VPS13B: variants seen among roughly 807,000 people sequenced by gnomAD.
VPS13B encodes vacuolar protein sorting 13 homolog B.
VPS13B carries 285 observed loss-of-function variants against 426.4 expected under a neutral mutation model. That is an observed-to-expected ratio of 0.67 (90% confidence interval 0.61 to 0.74). The LOEUF (loss-of-function observed/expected upper bound fraction) is 0.74. Among genes scored for constraint, VPS13B ranks in the 30% least tolerant of loss-of-function variants. The probability of loss-of-function intolerance (pLI) is 0.00; values close to 1 mark genes in which losing one functional copy is unlikely to be tolerated. For missense variants in VPS13B, 4,537 were observed against 4,782.6 expected (o/e 0.95, Z 1.51); for synonymous variants, 1,676 against 1,676.4 (o/e 1.00, Z 0.01).
Position 99,818,902 on chromosome 8 carries a change from C to A in VPS13B, c.8621+14C>A, listed in dbSNP as rs1201258654. 2 of 1,606,978 alleles carry A rather than the reference C, an allele frequency of 1.2e-6. No individual in the cohort carries two copies. The highest frequency in any genetic ancestry group is 8.5e-7 in the Non-Finnish European group (1 of 1,176,036). On this transcript the variant is annotated intron_variant, in intron 47 of 61. Coordinates refer to ENST00000357162, the MANE Select transcript of VPS13B (RefSeq NM_152564.5). ...ATTCCAAGCAAGGTACTAGAAAAAT[C>A]CTTCCATACATTTTACATTTTCCTA...
At chr8:99,647,000 G>A (rs1010870572) in intron 34 of VPS13B, among the ~76,000 whole-genome samples, 1 of 151,902 alleles carries the variant, frequency 6.6e-6, no homozygotes, top group African/African-American at 2.4e-5. Flanking sequence ...TTTATATAAT[G>A]CAAAAATAGC....
chr8:99,816,796 C>A (rs1814065612), intron 44 of VPS13B, among the ~76,000 whole-genome samples: 1 of 151,502 alleles, frequency 6.6e-6, no homozygotes, highest in African/African-American at 2.4e-5. Context: ...AAGAGCAAGA[C>A]CCTGTCTAAA....
At chr8:99,163,478 C>T (rs1811797489) in intron 15 of VPS13B, among the ~76,000 whole-genome samples, 1 of 152,196 alleles carries the variant, frequency 6.6e-6, no homozygotes, top group African/African-American at 2.4e-5. Context: ...GCTCGGGCTG[C>T]ACAGGAGCCC....
rs16897322 is a variant in VPS13B at position 99,386,176 on chromosome 8, C to A, written c.2934+1859C>A. On this transcript the variant is annotated intron_variant, in intron 20 of 61. Coordinates refer to ENST00000357162, the MANE Select transcript of VPS13B (RefSeq NM_152564.5). ...AGTAATACAGTTATTTCCAGTGTAC[C>A]ATAGATATCCCTGAAGGTCAAGTAG... is the stretch of plus-strand genomic sequence containing the variant. 3.4e-3 allele frequency among the ~76,000 whole-genome samples: 522 copies of A among 152,130 alleles called. 2 individuals are homozygous for A. The highest frequency in any genetic ancestry group is 0.012 in the African/African-American group (500 of 41,504).
chr8:99,419,069 T>C (rs889042017), intron 21 of VPS13B, among the ~76,000 whole-genome samples: 6 of 152,220 alleles, frequency 3.9e-5, no homozygotes, highest in Admixed American at 6.5e-5. Context: ...TGTGGAATTG[T>C]AATCCCCACG....
intron 25 of VPS13B, among the ~76,000 whole-genome samples, chr8:99,492,849 T>C (rs1408946945): frequency 1.3e-5 from 2 of 152,098 alleles, no homozygotes; most frequent in Non-Finnish European, 2.9e-5. Flanking sequence ...CCAGCATGCT[T>C]TGGCTCACCC....
At chr8:99,255,353 G>A (rs1817692346) in intron 17 of VPS13B, among the ~76,000 whole-genome samples, 1 of 152,010 alleles carries the variant, frequency 6.6e-6, no homozygotes, top group Non-Finnish European at 1.5e-5. Context: ...TTCTGTGATA[G>A]TTTTACCGTC....
chr8:99,401,804 T>G (rs1439819555), intron 21 of VPS13B, among the ~76,000 whole-genome samples: 3 of 152,144 alleles, frequency 2.0e-5, no homozygotes, highest in Non-Finnish European at 4.4e-5. Flanking sequence ...AGGTGGAGGT[T>G]GCAGTGAGCC....
At chr8:99,772,392 T>G (rs1811547797) in intron 40 of VPS13B, among the ~76,000 whole-genome samples, 1 of 152,186 alleles carries the variant, frequency 6.6e-6, no homozygotes, top group South Asian at 2.1e-4. Context: ...TATATGATTC[T>G]ACTTACATGA....
intron 25 of VPS13B, among the ~76,000 whole-genome samples, chr8:99,493,932 T>C (rs1048656437): frequency 2.6e-5 from 4 of 152,132 alleles, no homozygotes; most frequent in African/African-American, 7.2e-5. Flanking sequence ...AACACTGATA[T>C]AGCTTTGTTC....
intron 19 of VPS13B, among the ~76,000 whole-genome samples, chr8:99,325,553 A>C (rs1207089369): frequency 1.3e-5 from 2 of 152,232 alleles, no homozygotes. Flanking sequence ...GAAATGTATT[A>C]TTCAAAGCAA....
chr8:99,774,392 T>G (rs1489583472), intron 40 of VPS13B, among the ~76,000 whole-genome samples: 2 of 152,186 alleles, frequency 1.3e-5, no homozygotes, highest in Non-Finnish European at 2.9e-5. Flanking sequence ...ACCATTGCTT[T>G]GTGCATTCAA....
At chr8:99,648,287 G>C (rs764323815) in intron 34 of VPS13B, among the ~76,000 whole-genome samples, 4 of 152,156 alleles carry the variant, frequency 2.6e-5, no homozygotes, top group Non-Finnish European at 5.9e-5. Flanking sequence ...GCAGAATAAA[G>C]ATCTTCATGC....
intron 16 of VPS13B, among the ~76,000 whole-genome samples, chr8:99,191,376 CTTTTTTTTTTT>C (rs35215814): frequency 3.1e-4 from 22 of 70,952 alleles, no homozygotes; most frequent in Non-Finnish European, 4.2e-4. Flanking sequence ...CTCTCTCTCT[CTTTTTTTTTTT>C]TTTTTTTTTT....
rs1317538454 is a variant in VPS13B at position 99,871,831 on chromosome 8, C to T, written c.11745+134C>T. The T allele has an allele frequency of 5.9e-6, 9 of 1,519,970 alleles. No homozygotes were observed. The Admixed American group carries it at 6.7e-5, about 11-fold the overall frequency. 94.2% of individuals were successfully genotyped at this position (1,519,970 alleles called of 1,614,324 possible). On this transcript the variant is annotated intron_variant, in intron 61 of 61. Transcript: ENST00000357162. ...CTGGAGACCAAGGAGAGCTGCTACC[C>T]AGAGGAGGAAGTGTAGAGGCCGGAG...
intron 33 of VPS13B, among the ~76,000 whole-genome samples, chr8:99,626,068 T>G (rs1828601323): frequency 1.3e-5 from 2 of 152,128 alleles, no homozygotes; most frequent in Admixed American, 1.3e-4. Flanking sequence ...ATTATAAAAC[T>G]CTTAGAAGAA....
At chr8:99,315,378 A>G (rs1319228014) in intron 19 of VPS13B, among the ~76,000 whole-genome samples, 1 of 149,924 alleles carries the variant, frequency 6.7e-6, no homozygotes, top group African/African-American at 2.5e-5. Context: ...CAAAAGACCT[A>G]TCTTCATGTG....
intron 17 of VPS13B, among the ~76,000 whole-genome samples, chr8:99,229,515 A>G (rs1266751784): frequency 6.6e-6 from 1 of 152,194 alleles, no homozygotes; most frequent in Non-Finnish European, 1.5e-5. Context: ...GAGTGTTAAC[A>G]GTTTGACACT....
intron 17 of VPS13B, among the ~76,000 whole-genome samples, chr8:99,232,430 G>A (rs893100151): frequency 7.2e-5 from 11 of 151,942 alleles, no homozygotes; most frequent in African/African-American, 1.9e-4. Context: ...TGAATTTTGT[G>A]TAGGTCACCT....
Sources: gnomAD v4.1 joint callset for allele counts (sites outside exome capture counted in the v4.1 genomes callset) on GRCh38, gnomAD v4.1.1 for gene constraint, MANE v1.5 for transcripts, NCBI Gene and HGNC (gene_info 2026-07-23, HGNC 2026-07-21) for gene names.